Variants in TAF2 observed in about 807,000 individuals in gnomAD.
TAF2 encodes TATA-box binding protein associated factor 2, also known as transcription initiation factor TFIID subunit 2.
A neutral mutation model predicts 138.5 loss-of-function variants in TAF2; 61 were observed. That is an observed-to-expected ratio of 0.44 (90% CI 0.36 to 0.54). The LOEUF is 0.54. TAF2 is among the 20% of genes least tolerant of loss of function. The pLI is 0.00. For synonymous variants in TAF2, 475 were observed against 469.9 expected (o/e 1.01, Z -0.14); for missense variants, 1,090 against 1,427.9 (o/e 0.76, Z 3.81).
At chr8:119,744,617 A>G in intron 23 of TAF2, 1 of 550,550 alleles carries the variant, frequency 1.8e-6, no homozygotes, top group Non-Finnish European at 3.2e-6. Context: ...TGTAATAGCA[A>G]CTAAAATCTA....
chr8:119,782,901 TG>T (rs1183357328), intron 16 of TAF2, among the ~76,000 whole-genome samples: 2 of 152,042 alleles, frequency 1.3e-5, no homozygotes, highest in Non-Finnish European at 2.9e-5. Flanking sequence ...CCAGCTGTGT[TG>T]GGGGCTGAGG....
chr8:119,759,432 C>T (rs1030267385), intron 20 of TAF2, among the ~76,000 whole-genome samples: 3 of 152,072 alleles, frequency 2.0e-5, no homozygotes, highest in Admixed American at 2.0e-4. Context: ...CTTCTCTCAG[C>T]CCTTCCTCTC....
chr8:119,797,615 A>G (rs1823922829), intron 7 of TAF2, 47 bp downstream of exon 7: 1 of 1,568,064 alleles, frequency 6.4e-7, no homozygotes, highest in African/African-American at 1.4e-5. Flanking sequence ...AATTTTCTTC[A>G]TATCATGATC....
intron 18 of TAF2, among the ~76,000 whole-genome samples, chr8:119,776,970 C>A (rs1407052544): frequency 2.0e-5 from 3 of 152,092 alleles, no homozygotes; most frequent in Non-Finnish European, 2.9e-5. Flanking sequence ...AACCTCAGAT[C>A]AAAATTTATT....
chr8:119,778,859 G>A (rs1822442917), intron 17 of TAF2, among the ~76,000 whole-genome samples: 1 of 152,152 alleles, frequency 6.6e-6, no homozygotes. Context: ...ATGCTAGGCA[G>A]GACTACAGAT....
At position 119,781,184 on chromosome 8, in the gene TAF2, A is replaced by G. The variant is rs1311976296; in HGVS notation, c.2122T>C (p.Ser708Pro). Residue 708 changes from serine (S) to proline (P), a missense_variant, in exon 17 of 26, where the codon TCA becomes CCA. Coordinates refer to ENST00000378164, the MANE Select transcript of TAF2 (RefSeq NM_003184.4). The stretch of plus-strand genomic sequence containing the variant: ...GGTCCTGTCCATGTGCTCACCATTG[A>G]ATTTGCAATCTGCAAATAATTAGAA... Reference protein sequence around the residue: ...ACFCLAKIANSMVSTWTGPPA... With the variant: ...ACFCLAKIANPMVSTWTGPPA... 1 of 1,614,092 alleles carries G rather than the reference A, an allele frequency of 6.2e-7. No individual in the cohort carries two copies. The highest frequency in any genetic ancestry group is 8.5e-7 in the Non-Finnish European group (1 of 1,180,018).
Position 119,795,515 on chromosome 8 carries a change from G to A in TAF2, c.1191+17C>T. 6.3e-7 allele frequency: 1 copy of A among 1,592,320 alleles called. No individual in the cohort carries two copies. The highest frequency in any genetic ancestry group is 8.6e-7 in the Non-Finnish European group (1 of 1,160,546). ...ACATAAGACTTGTAAGTGGATAAGG[G>A]ATCTAGCTGTTATTACCTCTTTAAT... On this transcript the variant is annotated intron_variant, in intron 9 of 25. Coordinates refer to ENST00000378164, the MANE Select transcript of TAF2 (RefSeq NM_003184.4).
chr8:119,740,213 C>T (rs1385351491), intron 25 of TAF2, among the ~76,000 whole-genome samples: 2 of 152,160 alleles, frequency 1.3e-5, no homozygotes, highest in Non-Finnish European at 1.5e-5. Flanking sequence ...TAAAGTTATG[C>T]TTCCCACATG....
At chr8:119,806,137 G>T (rs1476723927) in intron 4 of TAF2, 146 bp downstream of exon 4, 2 of 725,300 alleles carry the variant, frequency 2.8e-6, no homozygotes, top group South Asian at 2.8e-5. Flanking sequence ...CCTGATCTTA[G>T]GTGATCCACC....
intron 6 of TAF2, among the ~76,000 whole-genome samples, chr8:119,799,160 T>C (rs1408143996): frequency 4.0e-5 from 6 of 150,948 alleles, no homozygotes; most frequent in African/African-American, 1.5e-4. Flanking sequence ...AATTTTTTTA[T>C]ATTATCATTT....
intron 25 of TAF2, among the ~76,000 whole-genome samples, chr8:119,739,402 C>A (rs1012487598): frequency 6.6e-6 from 1 of 152,084 alleles, no homozygotes; most frequent in African/African-American, 2.4e-5. Flanking sequence ...GGAAAATACT[C>A]TTGCCATTTC....
Position 119,796,987 on chromosome 8 carries a change from C to T in TAF2, c.1091+3G>A, listed in dbSNP as rs1323715107. On this transcript the variant is annotated splice_donor_region_variant and intron_variant, in intron 8 of 25. Transcript: ENST00000378164. ...CAGTAGTATGAACTTTCAGGTCACT[C>T]ACCAAGACATTCTAGATATGAAACA... The T allele has an allele frequency of 6.2e-7, 1 of 1,601,812 alleles. No individual in the cohort carries two copies. The highest frequency in any genetic ancestry group is 1.1e-5 in the South Asian group (1 of 90,830).
At chr8:119,732,216 C>A in intron 25 of TAF2, 30 bp from the exon 26 acceptor site, 3 of 1,602,440 alleles carry the variant, frequency 1.9e-6, no homozygotes, top group Non-Finnish European at 2.6e-6. Context: ...CAAATGAATT[C>A]CTGCTGATGA....
chr8:119,817,620 G>A (rs1033302694), intron 3 of TAF2, among the ~76,000 whole-genome samples: 1 of 152,152 alleles, frequency 6.6e-6, no homozygotes, highest in African/African-American at 2.4e-5. Flanking sequence ...TAACAGACCA[G>A]GATCCCTGTC....
chr8:119,786,494 T>C (rs1460124377), intron 14 of TAF2, among the ~76,000 whole-genome samples: 18 of 152,170 alleles, frequency 1.2e-4, no homozygotes, highest in Non-Finnish European at 2.6e-4. Context: ...ATGAGGATTC[T>C]TAAAACTAAA....
intron 18 of TAF2, among the ~76,000 whole-genome samples, chr8:119,777,007 T>C (rs980003348): frequency 2.0e-5 from 3 of 151,822 alleles, no homozygotes; most frequent in Admixed American, 1.3e-4. Flanking sequence ...AGGTTGTGTC[T>C]GTACTGAACA....
rs980582259 is a variant in TAF2 at position 119,794,254 on chromosome 8, G to A, written c.1192-803C>T. ...CTACTAAAAATACAAAAAATTAGCC[G>A]GGCGTGATGGCGGGTGCCTGTAATC... is the stretch of plus-strand genomic sequence containing the variant. On this transcript the variant is annotated intron_variant, in intron 9 of 25. Coordinates refer to ENST00000378164, the MANE Select transcript of TAF2 (RefSeq NM_003184.4). Among the ~76,000 whole-genome samples, 13 of 152,100 alleles carry A rather than the reference G, an allele frequency of 8.5e-5. No homozygotes were observed. The East Asian group carries it at 1.5e-3, about 18-fold the overall frequency.
chr8:119,829,860 G>GTTT (rs374912220), intron 2 of TAF2, among the ~76,000 whole-genome samples: 2 of 135,210 alleles, frequency 1.5e-5, no homozygotes, highest in Admixed American at 7.4e-5. Flanking sequence ...TCTTTTTTTA[G>GTTT]TTTTTTTTTT....
At chr8:119,825,524 CA>C (rs1293687004) in intron 2 of TAF2, among the ~76,000 whole-genome samples, 6 of 152,042 alleles carry the variant, frequency 3.9e-5, no homozygotes, top group South Asian at 2.1e-4. Flanking sequence ...TGGGAGGGGC[CA>C]GGGGCAGAAT....
Sources: gnomAD v4.1 joint callset for allele counts (sites outside exome capture counted in the v4.1 genomes callset) on GRCh38, gnomAD v4.1.1 for gene constraint, MANE v1.5 for transcripts, NCBI Gene and HGNC (gene_info 2026-07-23, HGNC 2026-07-21) for gene names.